Variants in SPIDR observed in about 807,000 individuals in gnomAD.
SPIDR encodes DNA repair-scaffolding protein.
Under a neutral mutation model 104.6 loss-of-function variants are expected in SPIDR, and 93 were observed. That is an observed-to-expected ratio of 0.89 (90% CI 0.75 to 1.06). SPIDR has a LOEUF of 1.06. Among genes scored for constraint, SPIDR ranks in the 50% least tolerant of loss-of-function variants. The pLI is 0.00. For missense variants in SPIDR, 1,154 were observed against 1,111.2 expected (o/e 1.04, Z -0.55); for synonymous variants, 431 against 416.9 (o/e 1.03, Z -0.41).
At chr8:47,370,785 A>T (rs1554638268) in intron 5 of SPIDR, among the ~76,000 whole-genome samples, 1 of 151,954 alleles carries the variant, frequency 6.6e-6, no homozygotes, top group Non-Finnish European at 1.5e-5. Flanking sequence ...CGCATAGTAG[A>T]TTTTTAAAAA....
At chr8:47,494,591 C>A (rs966392851) in intron 8 of SPIDR, among the ~76,000 whole-genome samples, 2 of 151,826 alleles carry the variant, frequency 1.3e-5, no homozygotes, top group South Asian at 4.1e-4. Flanking sequence ...AGAAACAATA[C>A]GGCTTAGGAT....
chr8:47,592,276 C>CT, intron 8 of SPIDR: 4 of 1,184,890 alleles, frequency 3.4e-6, no homozygotes, highest in Non-Finnish European at 5.1e-6. Context: ...ATAACAAGGC[C>CT]TGGGTTGATA....
chr8:47,497,946 G>GT (rs2079707036), intron 8 of SPIDR, among the ~76,000 whole-genome samples: 1 of 152,174 alleles, frequency 6.6e-6, no homozygotes, highest in South Asian at 2.1e-4. Flanking sequence ...AATTGTGGCA[G>GT]TTACATACAG....
chr8:47,543,224 T>C (rs946760062), intron 8 of SPIDR, among the ~76,000 whole-genome samples: 1 of 152,232 alleles, frequency 6.6e-6, no homozygotes, highest in Non-Finnish European at 1.5e-5. Context: ...GTTGCATGTT[T>C]AGTTGTTTAA....
At chr8:47,630,580 G>A (rs1244455165) in intron 10 of SPIDR, among the ~76,000 whole-genome samples, 1 of 152,188 alleles carries the variant, frequency 6.6e-6, no homozygotes, top group Admixed American at 6.5e-5. Context: ...CATAACAGAT[G>A]CAGTTCCCTA....
At chr8:47,334,651 T>C (rs1276835961) in intron 5 of SPIDR, among the ~76,000 whole-genome samples, 1 of 152,224 alleles carries the variant, frequency 6.6e-6, no homozygotes, top group Non-Finnish European at 1.5e-5. Context: ...TATGTATCTT[T>C]ACATATGAAG....
intron 8 of SPIDR, among the ~76,000 whole-genome samples, chr8:47,570,901 G>T (rs2058436963): frequency 6.6e-6 from 1 of 152,076 alleles, no homozygotes; most frequent in Admixed American, 6.6e-5. Flanking sequence ...AACCAGCCTG[G>T]CCAATATGGT....
At chr8:47,506,679 A>G (rs1045229451) in intron 8 of SPIDR, among the ~76,000 whole-genome samples, 8 of 152,180 alleles carry the variant, frequency 5.3e-5, no homozygotes, top group African/African-American at 1.9e-4. Context: ...TGTGGTCTAC[A>G]TGCCCTAAAG....
chr8:47,553,797 A>G (rs927282773), intron 8 of SPIDR, among the ~76,000 whole-genome samples: 1 of 152,170 alleles, frequency 6.6e-6, no homozygotes, highest in Non-Finnish European at 1.5e-5. Flanking sequence ...GCTGGCAAGG[A>G]ACTGTCTTCC....
At chr8:47,672,906 C>A (rs995590091) in intron 10 of SPIDR, among the ~76,000 whole-genome samples, 3 of 152,204 alleles carry the variant, frequency 2.0e-5, no homozygotes, top group African/African-American at 7.2e-5. Context: ...GCCCTGTGGG[C>A]CTGGAAGACT....
chr8:47,608,877 G>A (rs1026048955), intron 10 of SPIDR, among the ~76,000 whole-genome samples: 2 of 152,078 alleles, frequency 1.3e-5, no homozygotes, highest in African/African-American at 4.8e-5. Flanking sequence ...GTGCGTGTGC[G>A]CTACCACGCC....
chr8:47,719,615 T>A (rs1485676284), intron 16 of SPIDR, among the ~76,000 whole-genome samples: 1 of 152,174 alleles, frequency 6.6e-6, no homozygotes, highest in African/African-American at 2.4e-5. Context: ...CAGCTACAGC[T>A]GGCCCAGGCA....
At chr8:47,735,206 G>A (rs2086082690) in intron 19 of SPIDR, 101 bp from the exon 20 acceptor site, 1 of 1,132,976 alleles carries the variant, frequency 8.8e-7, no homozygotes, top group Non-Finnish European at 1.3e-6. Flanking sequence ...GTCGTGGACT[G>A]GGGAAAGGGC....
intron 11 of SPIDR, among the ~76,000 whole-genome samples, chr8:47,687,933 A>C (rs891536269): frequency 1.3e-5 from 2 of 151,710 alleles, no homozygotes; most frequent in Non-Finnish European, 2.9e-5. Flanking sequence ...GTGGTGGTGC[A>C]CACTTGTAGT....
chr8:47,333,152 T>G (rs2049063994), intron 5 of SPIDR, among the ~76,000 whole-genome samples: 1 of 152,164 alleles, frequency 6.6e-6, no homozygotes, highest in African/African-American at 2.4e-5. Context: ...CACTGAAAGG[T>G]CTTCAGGGGC....
chr8:47,604,299 G>A (rs1446133321), intron 10 of SPIDR, among the ~76,000 whole-genome samples: 1 of 152,204 alleles, frequency 6.6e-6, no homozygotes, highest in Non-Finnish European at 1.5e-5. Flanking sequence ...TGGACAGGAG[G>A]GAGAAGCCAG....
intron 10 of SPIDR, among the ~76,000 whole-genome samples, chr8:47,600,448 A>G (rs1297663598): frequency 1.3e-5 from 2 of 152,204 alleles, no homozygotes; most frequent in African/African-American, 2.4e-5. Context: ...ATTATGAATC[A>G]TCTTCAAGTG....
chr8:47,342,684 T>G (rs894291336), intron 5 of SPIDR, among the ~76,000 whole-genome samples: 2 of 152,116 alleles, frequency 1.3e-5, no homozygotes, highest in Non-Finnish European at 2.9e-5. Flanking sequence ...TTAGCACACA[T>G]TGTACACTCC....
intron 8 of SPIDR, among the ~76,000 whole-genome samples, chr8:47,471,744 G>A (rs945414617): frequency 5.3e-5 from 8 of 152,074 alleles, no homozygotes; most frequent in Non-Finnish European, 1.2e-4. Context: ...AAAGAAGGGA[G>A]CAATTAAAAG....
Sources: gnomAD v4.1 joint callset for allele counts (sites outside exome capture counted in the v4.1 genomes callset) on GRCh38, gnomAD v4.1.1 for gene constraint, MANE v1.5 for transcripts, NCBI Gene and HGNC (gene_info 2026-07-23, HGNC 2026-07-21) for gene names.